PIAS1: variants seen among roughly 807,000 people sequenced by gnomAD.
The protein encoded by PIAS1 is protein inhibitor of activated STAT 1, also known as E3 SUMO-protein ligase PIAS1.
A neutral mutation model predicts 71.3 loss-of-function variants in PIAS1; 6 were observed. The ratio of observed to expected loss-of-function variants is 0.08; its 90% CI spans 0.05 to 0.17. PIAS1 has a LOEUF of 0.17. Ranked by LOEUF, PIAS1 falls within the 10% of genes least tolerant of loss-of-function variation. The pLI, the probability that PIAS1 is intolerant of heterozygous loss-of-function variation, is 1.00. For missense variants in PIAS1, 555 were observed against 793.6 expected (o/e 0.70, Z 3.61); for synonymous variants, 303 against 292.9 (o/e 1.03, Z -0.35).
Position 68,174,011 on chromosome 15 carries a change from G to A in PIAS1, c.1169+119G>A. The A allele has an allele frequency of 3.9e-6, 2 of 511,574 alleles. No homozygotes were observed. Among genetic ancestry groups the A allele is most frequent in the Non-Finnish European group, 6.4e-6 (2 of 314,916 alleles). 31.7% of individuals were successfully genotyped at this position (511,574 alleles called of 1,614,324 possible). On this transcript the variant is annotated intron_variant, in intron 9 of 13. Coordinates refer to ENST00000249636, the MANE Select transcript of PIAS1 (RefSeq NM_016166.3). This position sits in a 1 kb window ranked among gnomAD's most constrained non-coding sequence, Gnocchi z 4.0. The stretch of plus-strand genomic sequence containing the variant: ...ATATTTGTAGGATTTTTGTGAGTCT[G>A]CAAACCAATATTTTCAAAGTAATTT...
chr15:68,094,738 A>G (rs184097460), intron 2 of PIAS1, among the ~76,000 whole-genome samples: 4 of 152,318 alleles, frequency 2.6e-5, no homozygotes, highest in Non-Finnish European at 5.9e-5. Flanking sequence ...ATAATTCAGC[A>G]TAAACTGTGC....
At position 68,187,539 on chromosome 15, in the gene PIAS1, T is replaced by A; in HGVS notation, c.1663-3T>A. The A allele has an allele frequency of 1.2e-6, 2 of 1,611,804 alleles. No homozygotes were observed. The highest frequency in any genetic ancestry group is 1.7e-6 in the Non-Finnish European group (2 of 1,178,124). ...TTTTGTGTCTTTTGTTTCCCCTCCC[T>A]AGCATTACAACACCTCCTTGCTTGC... On this transcript the variant is annotated splice_region_variant and splice_polypyrimidine_tract_variant and intron_variant, in intron 13 of 13. Transcript: ENST00000249636. This position sits in a 1 kb window ranked among gnomAD's most constrained non-coding sequence, Gnocchi z 5.3.
chr15:68,081,746 T>C (rs2140977299), intron 1 of PIAS1, among the ~76,000 whole-genome samples: 1 of 151,646 alleles, frequency 6.6e-6, no homozygotes, highest in Non-Finnish European at 1.5e-5. Flanking sequence ...AAAGGAAAAA[T>C]GAGATTATCA....
At chr15:68,065,019 C>T (rs1461263322) in intron 1 of PIAS1, among the ~76,000 whole-genome samples, 1 of 151,982 alleles carries the variant, frequency 6.6e-6, no homozygotes, top group Non-Finnish European at 1.5e-5. Context: ...GTTAGGATTA[C>T]GGCGTGAGAC....
intron 2 of PIAS1, among the ~76,000 whole-genome samples, chr15:68,103,182 C>G (rs1410524765): frequency 6.6e-6 from 1 of 152,144 alleles, no homozygotes; most frequent in Non-Finnish European, 1.5e-5. Flanking sequence ...CCGCCTCGCC[C>G]ACCCAAAGAG....
intron 2 of PIAS1, among the ~76,000 whole-genome samples, chr15:68,091,080 T>C (rs968548890): frequency 3.9e-5 from 6 of 152,230 alleles, no homozygotes; most frequent in African/African-American, 1.4e-4. Flanking sequence ...GATAGGATGT[T>C]GAGCACATGT....
chr15:68,060,901 C>G (rs2091951792), intron 1 of PIAS1, among the ~76,000 whole-genome samples: 1 of 152,222 alleles, frequency 6.6e-6, no homozygotes, highest in Admixed American at 6.5e-5. Context: ...CCAGGTTGGT[C>G]TCTATCTCTT....
At chr15:68,102,139 A>G (rs1234150192) in intron 2 of PIAS1, among the ~76,000 whole-genome samples, 1 of 152,082 alleles carries the variant, frequency 6.6e-6, no homozygotes, top group Admixed American at 6.5e-5. Context: ...ATTTGTTACT[A>G]CTTTTTATAA....
chr15:68,157,189 TGGTGTTTGAGATGG>T (rs1820716793), intron 7 of PIAS1, among the ~76,000 whole-genome samples: 1 of 152,106 alleles, frequency 6.6e-6, no homozygotes, highest in Admixed American at 6.6e-5. Flanking sequence ...GTTAGACTTG[TGGTGTTTGAGATGG>T]GATGAGACAT....
chr15:68,124,390 T>G (rs1047576696), intron 2 of PIAS1, among the ~76,000 whole-genome samples: 2 of 145,534 alleles, frequency 1.4e-5, no homozygotes, highest in African/African-American at 5.0e-5. Flanking sequence ...TGTGGTTTTT[T>G]TTGTTGTTGT....
intron 7 of PIAS1, among the ~76,000 whole-genome samples, chr15:68,155,655 G>C (rs2092884030): frequency 2.0e-5 from 3 of 152,092 alleles, no homozygotes; most frequent in African/African-American, 7.2e-5. Flanking sequence ...TTATGTTCTT[G>C]AAAGAATAAA....
intron 6 of PIAS1, among the ~76,000 whole-genome samples, chr15:68,151,296 A>G (rs991862460): frequency 1.3e-5 from 2 of 151,772 alleles, no homozygotes; most frequent in African/African-American, 2.4e-5. Flanking sequence ...TTATTTTTCT[A>G]TTTGCTTACA....
intron 2 of PIAS1, among the ~76,000 whole-genome samples, chr15:68,098,869 T>C (rs1392202185): frequency 6.6e-6 from 1 of 152,208 alleles, no homozygotes; most frequent in Non-Finnish European, 1.5e-5. Flanking sequence ...TGCACTTGTC[T>C]AAATATAGCC....
intron 2 of PIAS1, among the ~76,000 whole-genome samples, chr15:68,092,988 T>C (rs2092345239): frequency 6.6e-6 from 1 of 152,246 alleles, no homozygotes; most frequent in Non-Finnish European, 1.5e-5. Context: ...AACATCTTAC[T>C]TTAATGTATA....
intron 1 of PIAS1, among the ~76,000 whole-genome samples, chr15:68,063,052 T>C (rs1052513896): frequency 1.3e-5 from 2 of 152,224 alleles, no homozygotes; most frequent in Admixed American, 6.5e-5. Flanking sequence ...AATTGCCACA[T>C]TTAATGTAAC....
At chr15:68,105,366 G>A (rs1315290549) in intron 2 of PIAS1, among the ~76,000 whole-genome samples, 1 of 152,034 alleles carries the variant, frequency 6.6e-6, no homozygotes, top group Non-Finnish European at 1.5e-5. Flanking sequence ...CCTTATGCCT[G>A]TGTAGATCGT....
At chr15:68,069,085 G>A (rs889868638) in intron 1 of PIAS1, among the ~76,000 whole-genome samples, 5 of 151,102 alleles carry the variant, frequency 3.3e-5, no homozygotes, top group African/African-American at 7.3e-5. Flanking sequence ...TAGTAGAGAC[G>A]GGGTTTCACC....
intron 1 of PIAS1, among the ~76,000 whole-genome samples, chr15:68,073,059 A>G (rs2092117594): frequency 6.6e-6 from 1 of 152,174 alleles, no homozygotes; most frequent in African/African-American, 2.4e-5. Flanking sequence ...TCTGTCGCCC[A>G]GGCTGGAGTG....
chr15:68,093,120 CTG>C (rs796986190), intron 2 of PIAS1, among the ~76,000 whole-genome samples: 77 of 152,334 alleles, frequency 5.1e-4, no homozygotes, highest in African/African-American at 1.7e-3. Flanking sequence ...AGTATAGAAT[CTG>C]TTGCGAATGG....
Sources: gnomAD v4.1 joint callset for allele counts (sites outside exome capture counted in the v4.1 genomes callset) on GRCh38, gnomAD v4.1.1 for gene constraint, Gnocchi (gnomAD v3.1) non-coding constraint, MANE v1.5 for transcripts, NCBI Gene and HGNC (gene_info 2026-07-23, HGNC 2026-07-21) for gene names.